TTC28: variants seen among roughly 807,000 people sequenced by gnomAD.
TTC28 encodes the protein tetratricopeptide repeat protein 28.
A neutral mutation model predicts 198.0 loss-of-function variants in TTC28; 61 were observed. That is an observed-to-expected ratio of 0.31 (90% CI 0.25 to 0.38). The LOEUF is 0.38. Ranked by LOEUF, TTC28 falls within the 10% of genes least tolerant of loss-of-function variation. The pLI is 1.00. For synonymous variants in TTC28, 1,171 were observed against 1,297.8 expected (o/e 0.90, Z 2.10); for missense variants, 2,678 against 3,164.0 (o/e 0.85, Z 3.69).
At position 27,982,914 on chromosome 22, in the gene TTC28, G is replaced by C. The variant is rs766406725; in HGVS notation, c.6753C>G (p.Ser2251Arg). The change falls in exon 23 of 23, where the codon AGC (serine) becomes AGG (arginine). Residue 2251 changes from serine to arginine, a missense_variant. Ser to Arg is a moderately radical substitution (Grantham distance 110, BLOSUM62 -1). Around this residue, in one of 8 missense-constraint regions of TTC28, gnomAD observed 622 missense variants for 656.0 expected, o/e 0.95. Coordinates refer to ENST00000397906, the MANE Select transcript of TTC28 (RefSeq NM_001145418.2). The surrounding 1 kb of genome is among the most constrained non-coding windows in gnomAD (Gnocchi z 5.2). ...SLPKVSSGYS[S>R]PTTSEMSIKD... ...TGATGGACATCTCTGAGGTGGTGGGGCTGCTATATCCGGAACTCACCTTGG... is the reference window on the plus strand; with the variant it reads ...TGATGGACATCTCTGAGGTGGTGGGCCTGCTATATCCGGAACTCACCTTGG... 6.4e-7 allele frequency: 1 copy of C among 1,551,562 alleles called. No homozygotes were observed. Among genetic ancestry groups the C allele is most frequent in the African/African-American group, 1.4e-5 (1 of 73,040 alleles).
chr22:28,540,289 C>T (rs556768692), intron 2 of TTC28, among the ~76,000 whole-genome samples: 7 of 151,978 alleles, frequency 4.6e-5, no homozygotes, highest in African/African-American at 1.5e-4. Context: ...TGGGAACAGG[C>T]ACATCACATG....
intron 12 of TTC28, among the ~76,000 whole-genome samples, chr22:28,088,954 C>T (rs1941719595): frequency 6.6e-6 from 1 of 152,282 alleles, no homozygotes; most frequent in Non-Finnish European, 1.5e-5. Context: ...CAAATCAAAA[C>T]CACAATGAGG....
chr22:28,497,831 T>A (rs1000764156), intron 2 of TTC28, among the ~76,000 whole-genome samples: 1 of 150,936 alleles, frequency 6.6e-6, no homozygotes, highest in East Asian at 1.9e-4. Flanking sequence ...CTGGGAGGAG[T>A]GAGGAATAGG....
chr22:28,310,175 A>ACACACACACACACACAC (rs66509137), intron 2 of TTC28, among the ~76,000 whole-genome samples: 8 of 123,592 alleles, frequency 6.5e-5, no homozygotes, highest in Non-Finnish European at 1.2e-4. Flanking sequence ...CACACACACA[A>ACACACACACACACACAC]AAAACAAGAC....
chr22:28,277,875 C>G (rs905129202), intron 5 of TTC28, among the ~76,000 whole-genome samples: 6 of 152,106 alleles, frequency 3.9e-5, no homozygotes, highest in Non-Finnish European at 8.8e-5. Flanking sequence ...TACCTAGCAG[C>G]TGTTTTGGTG....
chr22:27,990,197 A>C, intron 20 of TTC28, 190 bp from the exon 21 acceptor site: 4 of 756,830 alleles, frequency 5.3e-6, no homozygotes, highest in African/African-American at 1.8e-5. Context: ...TGGGAAGCTC[A>C]TGGGGCATTG....
chr22:28,519,260 A>C (rs898598239), intron 2 of TTC28, among the ~76,000 whole-genome samples: 3 of 152,214 alleles, frequency 2.0e-5, no homozygotes, highest in African/African-American at 7.2e-5. Flanking sequence ...CTATCTATGG[A>C]TAATTCAAAG....
At chr22:28,358,660 A>G (rs16986354) in intron 2 of TTC28, among the ~76,000 whole-genome samples, 8,668 of 152,290 alleles carry the variant, frequency 0.057, 373 homozygotes, top group East Asian at 0.24. Flanking sequence ...ATACCCTCGT[A>G]TATCACAAAA....
chr22:28,541,283 CT>C (rs2049405692), intron 2 of TTC28, among the ~76,000 whole-genome samples: 1 of 152,178 alleles, frequency 6.6e-6, no homozygotes, highest in Non-Finnish European at 1.5e-5. Context: ...CATGATTGCC[CT>C]GGCTTCTGCC....
At chr22:28,504,495 A>C (rs1328614166) in intron 2 of TTC28, among the ~76,000 whole-genome samples, 1 of 152,066 alleles carries the variant, frequency 6.6e-6, no homozygotes, top group Admixed American at 6.5e-5. Flanking sequence ...CACTTCCTCT[A>C]TTGTATTATA....
chr22:28,221,519 AC>A (rs1927865387), intron 5 of TTC28, among the ~76,000 whole-genome samples: 1 of 152,200 alleles, frequency 6.6e-6, no homozygotes, highest in African/African-American at 2.4e-5. Context: ...ATTGCTTAGG[AC>A]ACTGGGTAGA....
rs1425908026 is a variant in TTC28, at chr22:28,551,167, T to A, written c.381+78385A>T. On this transcript the variant is annotated intron_variant, in intron 2 of 22. Coordinates refer to ENST00000397906, the MANE Select transcript of TTC28 (RefSeq NM_001145418.2). The stretch of plus-strand genomic sequence containing the variant: ...AATTCCTGGAAATATACAACCCTCC[T>A]AGATTAAACCGGGAAGATATAGAAT... 3.3e-5 allele frequency among the ~76,000 whole-genome samples: 5 copies of A among 152,142 alleles called. No homozygotes were observed. In the East Asian group the frequency reaches 9.7e-4, roughly 29 times the overall value.
intron 5 of TTC28, among the ~76,000 whole-genome samples, chr22:28,281,698 T>G (rs2044585820): frequency 6.6e-6 from 1 of 152,246 alleles, no homozygotes; most frequent in African/African-American, 2.4e-5. Context: ...GAAATTTTGT[T>G]ATATTATTCT....
At chr22:28,628,796 C>T (rs545910436) in intron 2 of TTC28, among the ~76,000 whole-genome samples, 40 of 151,862 alleles carry the variant, frequency 2.6e-4, no homozygotes, top group Non-Finnish European at 5.0e-4. Context: ...AAAAATTAGC[C>T]GGGCATGATG....
rs1400228406 is a variant in TTC28 at position 28,071,746 on chromosome 22, A to G, written c.3932+22334T>C. ...CTTAAAGTATAATAAAAAAAAAAAA[A>G]GGAAAAAAAAAAAAAAAAAGAAAAA... On this transcript the variant is annotated intron_variant, in intron 12 of 22. Coordinates refer to ENST00000397906, the MANE Select transcript of TTC28 (RefSeq NM_001145418.2). Among the ~76,000 whole-genome samples the G allele has an allele frequency of 9.5e-3, 1,351 of 141,788 alleles. 24 individuals carry two copies. Among genetic ancestry groups the G allele is most frequent in the African/African-American group, 0.036 (1,285 of 35,914 alleles). 93.0% of individuals were successfully genotyped at this position (141,788 alleles called of 152,430 possible).
intron 13 of TTC28, among the ~76,000 whole-genome samples, chr22:28,025,898 T>C (rs1240956218): frequency 1.3e-5 from 2 of 151,982 alleles, no homozygotes; most frequent in Non-Finnish European, 2.9e-5. Context: ...CAACCACACA[T>C]CCATGCAGAC....
rs113043718 is a variant in TTC28 at position 28,532,981 on chromosome 22, T to C, written c.381+96571A>G. 9.2e-5 allele frequency among the ~76,000 whole-genome samples: 14 copies of C among 152,242 alleles called. No individual in the cohort carries two copies. The South Asian group carries it at 2.7e-3, about 29-fold the overall frequency. On this transcript the variant is annotated intron_variant, in intron 2 of 22. Transcript: ENST00000397906. ...AATGGGCAAAAACTGGAAGCATTCC[T>C]TTTGAAAACTGGCACAAGACAGGGA...
intron 2 of TTC28, among the ~76,000 whole-genome samples, chr22:28,403,947 C>T (rs2046958000): frequency 6.6e-6 from 1 of 152,088 alleles, no homozygotes; most frequent in Non-Finnish European, 1.5e-5. Context: ...AGTAAAGAAA[C>T]ATCTGCCCAA....
intron 5 of TTC28, among the ~76,000 whole-genome samples, chr22:28,211,140 C>A (rs1170265052): frequency 6.6e-6 from 1 of 152,142 alleles, no homozygotes; most frequent in African/African-American, 2.4e-5. Context: ...AAGCACTAAA[C>A]ATGGAAAGGA....
Sources: gnomAD v4.1 joint callset for allele counts (sites outside exome capture counted in the v4.1 genomes callset) on GRCh38, gnomAD v4.1.1 for gene constraint, gnomAD v4.1.1 regional missense constraint, Gnocchi (gnomAD v3.1) non-coding constraint, MANE v1.5 for transcripts, NCBI Gene and HGNC (gene_info 2026-07-23, HGNC 2026-07-21) for gene names.